Variants in TPH1 observed in about 807,000 individuals in gnomAD.
The protein encoded by TPH1 is tryptophan 5-hydroxylase 1.
In TPH1, 37 loss-of-function variants were observed where a neutral mutation model predicts 49.5. The ratio of observed to expected loss-of-function variants is 0.75; its 90% CI spans 0.58 to 0.98. TPH1 has a LOEUF of 0.98. TPH1 is among the 50% of genes least tolerant of loss of function. The pLI is 0.00. For synonymous variants in TPH1, 160 were observed against 182.1 expected (o/e 0.88, Z 0.98); for missense variants, 487 against 523.6 (o/e 0.93, Z 0.68).
In TPH1 at chr11:18,019,795, C is replaced by G. The variant is rs894787405; in HGVS notation, c.*1196G>C. ...CATAAGTTTGTATTTTGGAGTTCAG[C>G]TTCACCCATTTATAACAGGACTGCT... On this transcript the variant is annotated 3_prime_UTR_variant, in exon 11 of 11. Coordinates refer to ENST00000682019, the MANE Select transcript of TPH1 (RefSeq NM_004179.3). The G allele has an allele frequency of 2.0e-5, 9 of 455,460 alleles. No individual in the cohort carries two copies. Among genetic ancestry groups the G allele is most frequent in the Non-Finnish European group, 3.1e-5 (7 of 226,368 alleles). The allele number at this position is 455,460 out of a possible 1,614,324, so 28.2% of individuals were successfully genotyped here.
chr11:18,044,750 G>A (rs1396216440), intron 1 of TPH1, among the ~76,000 whole-genome samples: 10 of 149,738 alleles, frequency 6.7e-5, no homozygotes, highest in South Asian at 2.1e-4. Context: ...ACTCTTTCAG[G>A]AAAACAAAAC....
intron 1 of TPH1, among the ~76,000 whole-genome samples, chr11:18,044,338 C>G (rs1848122772): frequency 6.6e-6 from 1 of 152,016 alleles, no homozygotes; most frequent in South Asian, 2.1e-4. Flanking sequence ...AGGAGAATGG[C>G]TTGAACCTGG....
chr11:18,033,469 G>T, intron 3 of TPH1, 95 bp from the exon 4 acceptor site: 1 of 990,626 alleles, frequency 1.0e-6, no homozygotes, highest in Non-Finnish European at 1.5e-6. Context: ...AAATTCAGTT[G>T]GATGAGAGTT....
At chr11:18,029,081 C>CA (rs368358256) in intron 6 of TPH1, 84 bp downstream of exon 6, 18,961 of 529,918 alleles carry the variant, frequency 0.036, 57 homozygotes, top group African/African-American at 0.054. Context: ...GACTCTGTCT[C>CA]AAAAAAAAAA....
At position 18,019,207 on chromosome 11, in the gene TPH1, T is replaced by C. The variant is rs1462337420; in HGVS notation, c.*1784A>G. On this transcript the variant is annotated 3_prime_UTR_variant, in exon 11 of 11. Transcript: ENST00000682019. ...AATACAAAGTTTTTAATAATTTATT[T>C]TGAGGACTAAGAAGTGTTAAAAGAT... 6.6e-6 allele frequency: 1 copy of C among 152,606 alleles called. No individual in the cohort carries two copies. The highest frequency in any genetic ancestry group is 1.5e-5 in the Non-Finnish European group (1 of 68,338). The allele number at this position is 152,606 out of a possible 1,614,324, so 9.5% of individuals were successfully genotyped here.
At chr11:18,041,034 C>G (rs1848094919) in intron 1 of TPH1, 1 of 333,448 alleles carries the variant, frequency 3.0e-6, no homozygotes, top group South Asian at 2.8e-5. Context: ...ACCAATCGCT[C>G]TTTTAGGGCA....
At position 18,018,891 on chromosome 11, in the gene TPH1, CTA is replaced by C. The variant is rs1406602636; in HGVS notation, c.*2098_*2099del. 3 of 151,646 alleles carry C rather than the reference CTA, an allele frequency of 2.0e-5. No homozygotes were observed. Among genetic ancestry groups the C allele is most frequent in the African/African-American group, 7.3e-5 (3 of 41,314 alleles). 9.4% of individuals were successfully genotyped at this position (151,646 alleles called of 1,614,324 possible). A position where few individuals can be genotyped will look rare whatever the true frequency, so the allele number is the denominator to read the frequency against. ...ATGCATAATTTGTGTTATTTGCTAT[CTA>C]TTTTTTAATTTCCTTTTTCTACATG... is the stretch of plus-strand genomic sequence containing the variant. On this transcript the variant is annotated 3_prime_UTR_variant, in exon 11 of 11. Transcript: ENST00000682019.
chr11:18,022,844 C>T lies in TPH1; in HGVS notation c.1114G>A (p.Val372Ile). Residue 372 changes from valine to isoleucine, a missense_variant, in exon 10 of 11, where the codon GTC becomes ATC. Physicochemically the swap from Val to Ile is conservative, Grantham distance 29. Transcript: ENST00000682019. The stretch of plus-strand genomic sequence containing the variant: ...TCAAAACTTTCAGATACAAAGTAGA[C>T]ATCTTGAAAAGTTGTGATAAGACAT... Reference protein sequence around the residue: ...QECLITTFQDVYFVSESFEDA... With the variant: ...QECLITTFQDIYFVSESFEDA... The T allele has an allele frequency of 3.7e-6, 6 of 1,613,506 alleles. No homozygotes were observed. Among genetic ancestry groups the T allele is most frequent in the Non-Finnish European group, 5.1e-6 (6 of 1,179,598 alleles).
intron 1 of TPH1, among the ~76,000 whole-genome samples, chr11:18,041,661 T>G (rs1029808431): frequency 3.9e-5 from 6 of 152,236 alleles, no homozygotes; most frequent in African/African-American, 1.4e-4. Context: ...AATTCAAAAT[T>G]TAACTAACAT....
At chr11:18,030,980 A>G (rs927186440) in intron 4 of TPH1, among the ~76,000 whole-genome samples, 1 of 152,182 alleles carries the variant, frequency 6.6e-6, no homozygotes, top group Non-Finnish European at 1.5e-5. Flanking sequence ...TTATTGAGGT[A>G]TAATTCACAT....
intron 2 of TPH1, 77 bp downstream of exon 2, chr11:18,040,569 G>A: frequency 7.2e-7 from 1 of 1,393,574 alleles, no homozygotes. Context: ...GTCTTGCTAT[G>A]TTGCCCTATA....
At chr11:18,026,469 G>A (rs1396545450) in intron 7 of TPH1, 21 bp downstream of exon 7, 1 of 1,609,732 alleles carries the variant, frequency 6.2e-7, no homozygotes, top group South Asian at 1.1e-5. Flanking sequence ...ATGAATTCCT[G>A]GCTGAAATAG....
chr11:18,025,762 T>C, intron 7 of TPH1, 61 bp from the exon 8 acceptor site: 1 of 1,601,784 alleles, frequency 6.2e-7, no homozygotes, highest in Non-Finnish European at 8.6e-7. Context: ...TAATCAACCA[T>C]TCAATCAAAT....
rs182902440 is a variant in TPH1, at chr11:18,044,315, G to A, written c.-27+1926C>T. On this transcript the variant is annotated intron_variant, in intron 1 of 10. Transcript: ENST00000682019. Reference sequence around the variant, plus strand: ...CGGGCGCCTGTAGTCCCAGCTACTTGGGAGGCTGAGGTAGGAGAATGGCTT... The same window carrying A: ...CGGGCGCCTGTAGTCCCAGCTACTTAGGAGGCTGAGGTAGGAGAATGGCTT... Among the ~76,000 whole-genome samples the A allele has an allele frequency of 6.4e-3, 975 of 152,086 alleles. 6 individuals are homozygous for A. Among genetic ancestry groups the A allele is most frequent in the African/African-American group, 0.022 (911 of 41,510 alleles).
intron 4 of TPH1, among the ~76,000 whole-genome samples, chr11:18,032,709 C>T (rs1303645772): frequency 6.6e-6 from 1 of 151,516 alleles, no homozygotes; most frequent in Non-Finnish European, 1.5e-5. Flanking sequence ...CCACGCCCGG[C>T]TAATTTTTTT....
chr11:18,029,505 T>C lies in TPH1; in HGVS notation c.470+7A>G. 1 of 1,605,714 alleles carries C rather than the reference T, an allele frequency of 6.2e-7. No homozygotes were observed. The highest frequency in any genetic ancestry group is 8.5e-7 in the Non-Finnish European group (1 of 1,173,182). ...AAAGTTGACTATATTTTTTTAAATATACTTACTGTTTATAGTTCATAGCCA... is the reference window on the plus strand; with the variant it reads ...AAAGTTGACTATATTTTTTTAAATACACTTACTGTTTATAGTTCATAGCCA... On this transcript the variant is annotated splice_region_variant and intron_variant, in intron 5 of 10. Coordinates refer to ENST00000682019, the MANE Select transcript of TPH1 (RefSeq NM_004179.3).
chr11:18,024,016 C>A, intron 8 of TPH1, 33 bp from the exon 9 acceptor site: 1 of 1,486,328 alleles, frequency 6.7e-7, no homozygotes, highest in Admixed American at 1.7e-5. Flanking sequence ...TTCTCACACA[C>A]TGACGAATTC....
chr11:18,023,777 C>T (rs1471514530), intron 9 of TPH1, 111 bp downstream of exon 9: 1 of 748,106 alleles, frequency 1.3e-6, no homozygotes, highest in Non-Finnish European at 2.3e-6. Flanking sequence ...TGATTAGTGA[C>T]ATCCCCAAGT....
rs748039667 is a variant in TPH1, at chr11:18,021,105, ACTCCGTGTATATG to A, written c.1208_1220del (p.Pro403LeufsTer5). The A allele has an allele frequency of 1.2e-6, 2 of 1,613,822 alleles. No individual in the cohort carries two copies. Among genetic ancestry groups the A allele is most frequent in the African/African-American group, 2.7e-5 (2 of 74,856 alleles). ...TCTTGGTGTCTTTCAGGATCTGAAT[ACTCCGTGTATATG>A]GATTATACTTCACTCCAAATGGACG... On this transcript the variant is annotated frameshift_variant, in exon 11 of 11. Coordinates refer to ENST00000682019, the MANE Select transcript of TPH1 (RefSeq NM_004179.3). LOFTEE classifies it high-confidence loss of function.
Sources: gnomAD v4.1 joint callset for allele counts (sites outside exome capture counted in the v4.1 genomes callset) on GRCh38, gnomAD v4.1.1 for gene constraint, MANE v1.5 for transcripts, NCBI Gene and HGNC (gene_info 2026-07-23, HGNC 2026-07-21) for gene names.